Variants in ZBBX observed in about 807,000 individuals in gnomAD.
ZBBX encodes zinc finger B-box domain-containing protein 1.
Under a neutral mutation model 108.5 loss-of-function variants are expected in ZBBX, and 101 were observed. The observed-to-expected ratio is 0.93, with a 90% CI of 0.79 to 1.10. The LOEUF is 1.10. ZBBX is among the 50% of genes least tolerant of loss of function. ZBBX has a pLI of 0.00. For synonymous variants in ZBBX, 356 were observed against 323.4 expected, an observed-to-expected ratio of 1.10 and a Z score of -1.08; for missense variants, 1,009 against 941.4, an observed-to-expected ratio of 1.07 and a Z score of -0.94.
At chr3:167,187,657 G>A in the ZBBX span, among the ~76,000 whole-genome samples, 10 of 152,168 alleles carry the variant, frequency 6.6e-5, no homozygotes, top group South Asian at 4.2e-4. Flanking sequence ...TGCAACATTC[G>A]GCAGCTCCAA....
At chr3:167,242,994 T>C (rs1419792344) in intron 20 of ZBBX, among the ~76,000 whole-genome samples, 1 of 152,218 alleles carries the variant, frequency 6.6e-6, no homozygotes, top group Non-Finnish European at 1.5e-5. Context: ...CATTTTGTTA[T>C]CTTTTTTCTT....
rs929106956 is a variant in ZBBX, at chr3:167,314,124, A to G, written c.1275-8T>C. ...CAATCATGAAAAGCACAACTTTCAC[A>G]TGTAGGAACAAACAAAATAATAGAG... On this transcript the variant is annotated splice_region_variant and splice_polypyrimidine_tract_variant and intron_variant, in intron 15 of 21. Coordinates refer to ENST00000675490, the MANE Select transcript of ZBBX (RefSeq NM_001199201.2). 1 of 1,571,518 alleles carries G rather than the reference A, an allele frequency of 6.4e-7. No homozygotes were observed. The highest frequency in any genetic ancestry group is 8.6e-7 in the Non-Finnish European group (1 of 1,163,966).
chr3:167,214,937 A>G, the ZBBX span, among the ~76,000 whole-genome samples: 3 of 152,158 alleles, frequency 2.0e-5, no homozygotes, highest in South Asian at 6.2e-4. Flanking sequence ...TTTTTCAAAA[A>G]TAATGAGAAC....
At chr3:167,281,243 T>A (rs922790323) in intron 20 of ZBBX, among the ~76,000 whole-genome samples, 3 of 152,140 alleles carry the variant, frequency 2.0e-5, no homozygotes, top group Non-Finnish European at 2.9e-5. Flanking sequence ...CCCTAAAACT[T>A]AAAGTATAAT....
intron 20 of ZBBX, among the ~76,000 whole-genome samples, chr3:167,254,887 T>TGAGA (rs1553782902): frequency 0.013 from 1,858 of 141,310 alleles, 46 homozygotes; most frequent in African/African-American, 0.046. Context: ...TGTGTGTGTG[T>TGAGA]GAGAGAGAGA....
chr3:167,275,416 G>C (rs1315136397), intron 20 of ZBBX, among the ~76,000 whole-genome samples: 1 of 152,144 alleles, frequency 6.6e-6, no homozygotes, highest in Non-Finnish European at 1.5e-5. Context: ...AGGTCAGTGG[G>C]TGCGCGCACT....
intron 3 of ZBBX, 100 bp downstream of exon 3, chr3:167,373,606 T>C (rs545394884): frequency 1.3e-5 from 2 of 152,360 alleles, no homozygotes; most frequent in East Asian, 3.9e-4. Flanking sequence ...GAATATATTA[T>C]GCATGTTATA....
chr3:167,372,836 A>G lies in ZBBX; in HGVS notation c.66T>C (p.Tyr22=), dbSNP rs1447863463. 2.0e-6 allele frequency: 3 copies of G among 1,506,032 alleles called. No homozygotes were observed. The Admixed American group carries it at 5.3e-5, about 27-fold the overall frequency. 93.3% of individuals were successfully genotyped at this position (1,506,032 alleles called of 1,614,324 possible). ...GAAATAAATATATATGAACTCACCT[A>G]TATTTTAGCTTTACAGAATTTCCAG... ...GKPGNSVKLK[Y]RNAQELRMEK... is the part of the protein sequence containing the mutation. Residue 22 remains tyrosine (Y), a splice_region_variant and synonymous_variant, in exon 4 of 22, where the codon TAT becomes TAC. Coordinates refer to ENST00000675490, the MANE Select transcript of ZBBX (RefSeq NM_001199201.2).
At chr3:167,378,757 T>C (rs901707327) in intron 2 of ZBBX, among the ~76,000 whole-genome samples, 8 of 152,188 alleles carry the variant, frequency 5.3e-5, no homozygotes, top group Admixed American at 2.0e-4. Context: ...CTTTTTTACA[T>C]AATGAGCTTT....
In ZBBX at chr3:167,288,903, G is replaced by A. The variant is rs1264998600; in HGVS notation, c.1960C>T (p.Gln654Ter). ...TGTTTTCTACTTGATGATGGACTCT[G>A]AGCACCCTGCAGAACACCCAAGACA... is the stretch of plus-strand genomic sequence containing the variant. ...AIVLGVLQGAQSPSSSRKQQK... is the reference protein window; with the variant it reads ...AIVLGVLQGA The change falls in exon 19 of 22, where the codon CAG (glutamine) becomes TAG (stop). Residue 654 changes from glutamine (Q) to a stop codon, truncating the protein, a stop_gained. Coordinates refer to ENST00000675490, the MANE Select transcript of ZBBX (RefSeq NM_001199201.2). LOFTEE classifies it high-confidence loss of function. The A allele has an allele frequency of 2.6e-6, 4 of 1,540,138 alleles. No homozygotes were observed. In the Admixed American group the frequency reaches 5.9e-5, roughly 23 times the overall value.
At position 167,310,535 on chromosome 3, in the gene ZBBX, T is replaced by C. The variant is rs144051888; in HGVS notation, c.1417+3439A>G. The stretch of plus-strand genomic sequence containing the variant: ...ACATGGCTGGGAGGTCTCAGGAGTC[T>C]TATAATCATGGCAGAAGGTGAAGGG... On this transcript the variant is annotated intron_variant, in intron 16 of 21. Coordinates refer to ENST00000675490, the MANE Select transcript of ZBBX (RefSeq NM_001199201.2). 2.0e-5 allele frequency among the ~76,000 whole-genome samples: 3 copies of C among 152,276 alleles called. No homozygotes were observed. The East Asian group carries it at 5.8e-4, about 29-fold the overall frequency.
chr3:167,242,912 T>C (rs927378592), intron 20 of ZBBX, among the ~76,000 whole-genome samples: 1 of 135,606 alleles, frequency 7.4e-6, no homozygotes, highest in African/African-American at 2.6e-5. Context: ...TGAGACCTCA[T>C]AAAATTTCAA....
intron 20 of ZBBX, 49 bp from the exon 21 acceptor site, chr3:167,242,692 A>T (rs1180980473): frequency 6.4e-7 from 1 of 1,552,108 alleles, no homozygotes; most frequent in Non-Finnish European, 8.8e-7. Context: ...TCAAGAAACA[A>T]ATATACAGCA....
chr3:167,296,116 G>A (rs1731652593), intron 18 of ZBBX, among the ~76,000 whole-genome samples: 1 of 151,800 alleles, frequency 6.6e-6, no homozygotes, highest in African/African-American at 2.4e-5. Flanking sequence ...ATCCATCAGT[G>A]TAATACACTA....
rs141812769 is a variant in ZBBX at position 167,299,397 on chromosome 3, C to T, written c.1726-939G>A. Among the ~76,000 whole-genome samples, 1,028 of 152,124 alleles carry T rather than the reference C, an allele frequency of 6.8e-3. 10 individuals are homozygous for T. The highest frequency in any genetic ancestry group is 9.1e-3 in the South Asian group (44 of 4,816). On this transcript the variant is annotated intron_variant, in intron 17 of 21. Coordinates refer to ENST00000675490, the MANE Select transcript of ZBBX (RefSeq NM_001199201.2). ...AAATCAAAATTCTCAGCACATATCCCCTGGCCCTCCCAGACACCAATAAAC... is the reference window on the plus strand; with the variant it reads ...AAATCAAAATTCTCAGCACATATCCTCTGGCCCTCCCAGACACCAATAAAC...
chr3:167,224,059 G>A, the ZBBX span, among the ~76,000 whole-genome samples: 4 of 151,850 alleles, frequency 2.6e-5, no homozygotes, highest in African/African-American at 9.7e-5. Context: ...GGACATAGCG[G>A]GTGGGAAACA....
At chr3:167,291,881 G>A (rs1345443064) in intron 18 of ZBBX, among the ~76,000 whole-genome samples, 1 of 151,930 alleles carries the variant, frequency 6.6e-6, no homozygotes, top group Non-Finnish European at 1.5e-5. Flanking sequence ...CAAATGGAAA[G>A]CAGAAAAAAA....
In ZBBX at chr3:167,290,588, G is replaced by A. The variant is rs541167397; in HGVS notation, c.1880-1605C>T. 1.1e-3 allele frequency among the ~76,000 whole-genome samples: 171 copies of A among 152,216 alleles called. 1 individual carries two copies. The highest frequency in any genetic ancestry group is 3.9e-3 in the African/African-American group (161 of 41,568). On this transcript the variant is annotated intron_variant, in intron 18 of 21. Coordinates refer to ENST00000675490, the MANE Select transcript of ZBBX (RefSeq NM_001199201.2). ...AAAGACCAAAGGTAGATAAATTCAC[G>A]AAGATGGGGAGAAACCAGTGCAGAA... is the stretch of plus-strand genomic sequence containing the variant.
chr3:167,346,475 G>A (rs1012638300), intron 9 of ZBBX, among the ~76,000 whole-genome samples: 1 of 151,778 alleles, frequency 6.6e-6, no homozygotes, highest in African/African-American at 2.4e-5. Flanking sequence ...CTGGGCTGTT[G>A]GATAAAGGCT....
Sources: gnomAD v4.1 joint callset for allele counts (sites outside exome capture counted in the v4.1 genomes callset) on GRCh38, gnomAD v4.1.1 for gene constraint, MANE v1.5 for transcripts, NCBI Gene and HGNC (gene_info 2026-07-23, HGNC 2026-07-21) for gene names.